The following ABCA13 variants were observed in gnomAD, a reference collection of about 807,000 sequenced individuals.
ABCA13 encodes ATP-binding cassette sub-family A member 13.
In ABCA13, 476 loss-of-function variants were observed where a neutral mutation model predicts 478.7. The observed-to-expected ratio is 0.99, with a 90% confidence interval of 0.92 to 1.07. The LOEUF (loss-of-function observed/expected upper bound fraction) is 1.07, where lower values mean the gene tolerates loss of function less well. Among genes scored for constraint, ABCA13 ranks in the 50% least tolerant of loss-of-function variants. The pLI, the probability that ABCA13 is intolerant of heterozygous loss-of-function variation, is 0.00. For synonymous variants in ABCA13, 2,252 were observed against 2,158.9 expected (o/e 1.04, Z -1.20); for missense variants, 6,060 against 5,910.6 (o/e 1.03, Z -0.83).
intron 55 of ABCA13, among the ~76,000 whole-genome samples, chr7:48,544,571 A>C (rs919683685): frequency 1.3e-5 from 2 of 151,864 alleles, no homozygotes; most frequent in Admixed American, 1.3e-4. Flanking sequence ...ATACCTGAAC[A>C]CTTGATAGTT....
intron 58 of ABCA13, among the ~76,000 whole-genome samples, chr7:48,612,797 T>G (rs576742384): frequency 6.6e-6 from 1 of 152,272 alleles, no homozygotes; most frequent in African/African-American, 2.4e-5. Flanking sequence ...ATGCCAATTT[T>G]TACTCCCACC....
chr7:48,619,171 G>A (rs1008764924), intron 59 of ABCA13, among the ~76,000 whole-genome samples: 3 of 152,154 alleles, frequency 2.0e-5, no homozygotes, highest in Admixed American at 6.5e-5. Context: ...ATCTTTAATA[G>A]CTTGTTTCAG....
intron 1 of ABCA13, among the ~76,000 whole-genome samples, chr7:48,188,556 T>C (rs952388319): frequency 5.3e-5 from 8 of 151,988 alleles, no homozygotes; most frequent in African/African-American, 1.9e-4. Flanking sequence ...CTCTAGAAAC[T>C]TTTTTTTCTT....
At position 48,471,548 on chromosome 7, in the gene ABCA13, G is replaced by A. The variant is rs375717387; in HGVS notation, c.12924G>A (p.Trp4308Ter). Residue 4308 changes from tryptophan (W) to a stop codon, truncating the protein, a stop_gained, in exon 45 of 62, where the codon TGG (tryptophan) becomes TGA (stop). Transcript: ENST00000435803. LOFTEE classifies it high-confidence loss of function. Reference protein sequence around the residue: ...LNPRQKNSSCWRTDPFSHPEF... With the variant: ...LNPRQKNSSC ...TTTTTAGGAAGAATTCTTCATGCTG[G>A]CGCACAGATCCCTTTTCTCACCCAG... 1.9e-5 allele frequency: 29 copies of A among 1,561,276 alleles called. No individual in the cohort carries two copies. The highest frequency in any genetic ancestry group is 2.3e-5 in the Non-Finnish European group (27 of 1,150,902).
chr7:48,515,837 T>A (rs1585669254), intron 51 of ABCA13, among the ~76,000 whole-genome samples: 1 of 152,152 alleles, frequency 6.6e-6, no homozygotes, highest in Admixed American at 6.6e-5. Context: ...TATCTTTTGA[T>A]TCTCAATATA....
At chr7:48,455,924 A>C (rs1406990643) in intron 43 of ABCA13, among the ~76,000 whole-genome samples, 1 of 152,100 alleles carries the variant, frequency 6.6e-6, no homozygotes, top group African/African-American at 2.4e-5. Flanking sequence ...CTAAGATAGA[A>C]ACCGATCCCC....
chr7:48,273,451 CT>C lies in ABCA13; in HGVS notation c.3786del (p.Ala1263ProfsTer5). 6.2e-7 allele frequency: 1 copy of C among 1,612,370 alleles called. No individual in the cohort carries two copies. Among genetic ancestry groups the C allele is most frequent in the East Asian group, 2.2e-5 (1 of 44,832 alleles). On this transcript the variant is annotated frameshift_variant, in exon 17 of 62. Coordinates refer to ENST00000435803, the MANE Select transcript of ABCA13 (RefSeq NM_152701.5). LOFTEE classifies it high-confidence loss of function. ...GAGAAATCCCTTTTCACCATGGAAG[CT>C]GCCCTGCATCAGTTGAAGACATTTC... is the stretch of plus-strand genomic sequence containing the variant. ...QVEKSLFTME[A>X]ALHQLKTFPF...
At chr7:48,593,440 A>G (rs1466677804) in intron 57 of ABCA13, among the ~76,000 whole-genome samples, 3 of 151,758 alleles carry the variant, frequency 2.0e-5, no homozygotes, top group African/African-American at 4.8e-5. Flanking sequence ...AGATGTCACA[A>G]TTTGCAGCTC....
intron 3 of ABCA13, among the ~76,000 whole-genome samples, chr7:48,215,422 C>T: frequency 6.6e-6 from 1 of 151,986 alleles, no homozygotes. Context: ...GATTACAGAA[C>T]ACAATAGCAG....
intron 41 of ABCA13, among the ~76,000 whole-genome samples, chr7:48,418,125 T>C (rs1820278608): frequency 6.6e-6 from 1 of 152,254 alleles, no homozygotes; most frequent in South Asian, 2.1e-4. Context: ...TTAGCAATTA[T>C]GAACAAAGCT....
intron 39 of ABCA13, among the ~76,000 whole-genome samples, chr7:48,405,500 G>T (rs956477151): frequency 2.0e-5 from 3 of 152,214 alleles, no homozygotes; most frequent in East Asian, 1.9e-4. Flanking sequence ...CACTTCAAAA[G>T]ATTGATTAAA....
At chr7:48,578,790 A>G (rs1022116951) in intron 55 of ABCA13, among the ~76,000 whole-genome samples, 4 of 152,212 alleles carry the variant, frequency 2.6e-5, no homozygotes, top group African/African-American at 9.6e-5. Flanking sequence ...ACCTGACTTT[A>G]AGATTTACTA....
chr7:48,588,393 C>G (rs1197050715), intron 57 of ABCA13, among the ~76,000 whole-genome samples: 2 of 152,222 alleles, frequency 1.3e-5, no homozygotes, highest in Non-Finnish European at 2.9e-5. Context: ...CTTTGCCCAG[C>G]CTCTTACAAT....
chr7:48,261,312 T>C (rs900599781), intron 15 of ABCA13, among the ~76,000 whole-genome samples: 1 of 152,006 alleles, frequency 6.6e-6, no homozygotes, highest in African/African-American at 2.4e-5. Context: ...CAATGTAGCT[T>C]CCCCGCCGCT....
At chr7:48,352,541 T>C (rs1809198539) in intron 31 of ABCA13, 54 bp downstream of exon 31, 6 of 1,470,218 alleles carry the variant, frequency 4.1e-6, no homozygotes, top group Non-Finnish European at 5.4e-6. Flanking sequence ...TGCATTTGTC[T>C]AGCTGAGGAG....
intron 31 of ABCA13, among the ~76,000 whole-genome samples, chr7:48,361,700 C>G (rs1810866407): frequency 1.3e-5 from 2 of 151,326 alleles, no homozygotes; most frequent in African/African-American, 2.4e-5. Context: ...CAACTCCTAC[C>G]TTATATCCCA....
intron 31 of ABCA13, among the ~76,000 whole-genome samples, chr7:48,360,612 T>C (rs193055081): frequency 6.6e-6 from 1 of 152,126 alleles, no homozygotes. Flanking sequence ...ACACTTAATA[T>C]CCTGTTCCAA....
chr7:48,601,341 T>A (rs1426594040), intron 58 of ABCA13, among the ~76,000 whole-genome samples: 1 of 152,200 alleles, frequency 6.6e-6, no homozygotes, highest in Non-Finnish European at 1.5e-5. Context: ...ACCTGTCATC[T>A]ACATTAGGTA....
intron 41 of ABCA13, among the ~76,000 whole-genome samples, chr7:48,423,949 T>G (rs2129128506): frequency 6.6e-6 from 1 of 152,336 alleles, no homozygotes; most frequent in Non-Finnish European, 1.5e-5. Flanking sequence ...TCTACTTCTT[T>G]TGTATGAAAG....
Sources: allele counts gnomAD v4.1 joint callset (sites outside exome capture counted in the v4.1 genomes callset), GRCh38; gene constraint gnomAD v4.1.1; transcripts MANE v1.5; gene names NCBI Gene and HGNC (gene_info 2026-07-23, HGNC 2026-07-21).